CTNNA3: variants seen among roughly 807,000 people sequenced by gnomAD.
CTNNA3 encodes catenin alpha 3.
In CTNNA3, 76 loss-of-function variants were observed where a neutral mutation model predicts 95.7. The ratio of observed to expected loss-of-function variants is 0.79; its 90% CI spans 0.66 to 0.96. CTNNA3 has a LOEUF of 0.96. CTNNA3 is among the 40% of genes least tolerant of loss of function. The pLI is 0.00. For synonymous variants in CTNNA3, 431 were observed against 374.4 expected (o/e 1.15, Z -1.74); for missense variants, 1,191 against 1,089.8 (o/e 1.09, Z -1.31).
chr10:66,962,111 G>A (rs1220479605), intron 7 of CTNNA3, among the ~76,000 whole-genome samples: 2 of 152,190 alleles, frequency 1.3e-5, no homozygotes, highest in South Asian at 2.1e-4. Context: ...GTGGGCTAGA[G>A]TGATCATTTA....
At chr10:66,650,657 G>A (rs1278333193) in intron 9 of CTNNA3, among the ~76,000 whole-genome samples, 5 of 152,130 alleles carry the variant, frequency 3.3e-5, no homozygotes, top group Non-Finnish European at 5.9e-5. Flanking sequence ...CCTTCTGGTG[G>A]GTTCGTGGTC....
chr10:67,321,438 G>A (rs900265249), intron 5 of CTNNA3, among the ~76,000 whole-genome samples: 3 of 151,980 alleles, frequency 2.0e-5, no homozygotes, highest in African/African-American at 2.4e-5. Context: ...TAAACAGCCC[G>A]TATCTTCAGT....
intron 7 of CTNNA3, chr10:66,928,475 G>C: frequency 6.4e-7 from 1 of 1,560,544 alleles, no homozygotes; most frequent in East Asian, 2.2e-5. Flanking sequence ...GTGATAAAAA[G>C]AGCTCTTAAA....
At chr10:66,733,197 T>C (rs749969259) in intron 9 of CTNNA3, among the ~76,000 whole-genome samples, 4 of 152,220 alleles carry the variant, frequency 2.6e-5, no homozygotes, top group Non-Finnish European at 5.9e-5. Context: ...AAATATCTTC[T>C]TTCTTTGCCA....
intron 7 of CTNNA3, among the ~76,000 whole-genome samples, chr10:67,150,324 C>T (rs1399899249): frequency 6.6e-6 from 1 of 152,086 alleles, no homozygotes; most frequent in Non-Finnish European, 1.5e-5. Context: ...CTTGAATATA[C>T]TTAAGACATA....
chr10:65,945,015 G>A (rs922981156), intron 17 of CTNNA3, among the ~76,000 whole-genome samples: 2 of 152,062 alleles, frequency 1.3e-5, no homozygotes, highest in Non-Finnish European at 2.9e-5. Flanking sequence ...GATTTAGCAA[G>A]TTAGCTATTC....
At chr10:66,151,577 T>TA (rs1402459115) in intron 13 of CTNNA3, among the ~76,000 whole-genome samples, 4 of 151,926 alleles carry the variant, frequency 2.6e-5, no homozygotes, top group Non-Finnish European at 5.9e-5. Context: ...TTTCTTCACT[T>TA]ACAAATCTTT....
At chr10:67,596,756 A>T (rs1461606568) in intron 3 of CTNNA3, among the ~76,000 whole-genome samples, 1 of 152,180 alleles carries the variant, frequency 6.6e-6, no homozygotes, top group African/African-American at 2.4e-5. Flanking sequence ...GGGGATAGTC[A>T]TCTTGTATAG....
At chr10:66,552,795 CATT>C (rs1010849568) in intron 10 of CTNNA3, among the ~76,000 whole-genome samples, 95 of 152,070 alleles carry the variant, frequency 6.2e-4, no homozygotes, top group African/African-American at 1.9e-3. Context: ...TTTCTAGCCT[CATT>C]ATTTTTTTCC....
At chr10:67,370,105 T>C (rs747610164) in intron 5 of CTNNA3, among the ~76,000 whole-genome samples, 1 of 152,176 alleles carries the variant, frequency 6.6e-6, no homozygotes, top group Non-Finnish European at 1.5e-5. Flanking sequence ...TGGCAAAAGA[T>C]TGAAAATCAT....
At chr10:67,384,380 C>T (rs566611653) in intron 5 of CTNNA3, among the ~76,000 whole-genome samples, 1 of 152,222 alleles carries the variant, frequency 6.6e-6, no homozygotes, top group South Asian at 2.1e-4. Context: ...TTTCTCCAAA[C>T]CTCTTTTAAA....
At chr10:67,145,307 T>C (rs1564922109) in intron 7 of CTNNA3, among the ~76,000 whole-genome samples, 3 of 152,080 alleles carry the variant, frequency 2.0e-5, no homozygotes, top group East Asian at 1.9e-4. Context: ...GTCAGAAAAA[T>C]GGCACTGGCA....
intron 10 of CTNNA3, among the ~76,000 whole-genome samples, chr10:66,563,352 T>C (rs554214043): frequency 1.3e-5 from 2 of 152,242 alleles, no homozygotes; most frequent in East Asian, 1.9e-4. Flanking sequence ...ATTCTTTTTA[T>C]CAAAGACTTC....
chr10:67,511,773 C>T (rs958540506), intron 5 of CTNNA3, among the ~76,000 whole-genome samples: 3 of 152,110 alleles, frequency 2.0e-5, no homozygotes, highest in African/African-American at 7.2e-5. Flanking sequence ...AGGAATGGTA[C>T]CAGCTCCTCT....
chr10:67,382,628 T>C (rs1359557836), intron 5 of CTNNA3, among the ~76,000 whole-genome samples: 3 of 152,286 alleles, frequency 2.0e-5, no homozygotes, highest in South Asian at 4.1e-4. Flanking sequence ...TACATGTATG[T>C]GTATATGCCT....
chr10:66,318,651 T>A (rs532193758), intron 12 of CTNNA3, among the ~76,000 whole-genome samples: 1 of 152,230 alleles, frequency 6.6e-6, no homozygotes, highest in East Asian at 1.9e-4. Context: ...ACAACTAGAT[T>A]AACCACCTCT....
chr10:66,949,367 A>T (rs1848424223), intron 7 of CTNNA3, among the ~76,000 whole-genome samples: 1 of 151,802 alleles, frequency 6.6e-6, no homozygotes, highest in Admixed American at 6.6e-5. Context: ...GACCAGCCTG[A>T]CCAACATGGA....
intron 11 of CTNNA3, among the ~76,000 whole-genome samples, chr10:66,499,118 G>C (rs541326971): frequency 1.3e-5 from 2 of 151,906 alleles, no homozygotes. Context: ...CTGATGTTTT[G>C]CTTGTTTCCC....
chr10:67,394,647 T>C (rs1844650318), intron 5 of CTNNA3, among the ~76,000 whole-genome samples: 1 of 152,090 alleles, frequency 6.6e-6, no homozygotes, highest in South Asian at 2.1e-4. Context: ...AGGATGTTAG[T>C]AAAATACCAA....
Sources: gnomAD v4.1 joint callset for allele counts (sites outside exome capture counted in the v4.1 genomes callset) on GRCh38, gnomAD v4.1.1 for gene constraint, MANE v1.5 for transcripts, NCBI Gene and HGNC (gene_info 2026-07-23, HGNC 2026-07-21) for gene names.